IL6R: variants seen among roughly 807,000 people sequenced by gnomAD.
IL6R encodes the protein interleukin 6 receptor, also known as interleukin-6 receptor subunit alpha.
In IL6R, 38 loss-of-function variants were observed where a neutral mutation model predicts 48.3. That is an observed-to-expected ratio of 0.79 (90% CI 0.61 to 1.03). The LOEUF is 1.03. IL6R is among the 50% of genes least tolerant of loss of function. IL6R has a pLI of 0.00. For missense variants in IL6R, 534 were observed against 618.3 expected (o/e 0.86, Z 1.45); for synonymous variants, 264 against 256.2 (o/e 1.03, Z -0.29).
At chr1:154,450,038 C>T in intron 8 of IL6R, 58 bp downstream of exon 8, 1 of 1,081,816 alleles carries the variant, frequency 9.2e-7, no homozygotes, top group Non-Finnish European at 1.4e-6. Flanking sequence ...TTTGTCTCTG[C>T]AGAAAGTCCT....
chr1:154,438,405 A>G (rs759287177), intron 6 of IL6R, among the ~76,000 whole-genome samples: 1 of 151,704 alleles, frequency 6.6e-6, no homozygotes, highest in Non-Finnish European at 1.5e-5. Context: ...TATTGTTCCC[A>G]GTGTTTTTGT....
chr1:154,432,647 C>T (rs750109025), intron 3 of IL6R, among the ~76,000 whole-genome samples: 13 of 152,212 alleles, frequency 8.5e-5, no homozygotes, highest in Admixed American at 2.0e-4. Context: ...CGTGAGCCAC[C>T]GCGCCCGGCT....
chr1:154,450,357 G>A (rs866498852), intron 8 of IL6R, among the ~76,000 whole-genome samples: 12 of 151,998 alleles, frequency 7.9e-5, no homozygotes, highest in Non-Finnish European at 1.8e-4. Flanking sequence ...AACTCCTGAC[G>A]TTGTGATCCA....
At chr1:154,447,046 TG>T (rs965023738) in intron 6 of IL6R, among the ~76,000 whole-genome samples, 4 of 152,150 alleles carry the variant, frequency 2.6e-5, no homozygotes, top group African/African-American at 9.7e-5. Context: ...GAAGCTGAGA[TG>T]GGAGGATCAC....
rs55844786 is a variant in IL6R, at chr1:154,448,875, C to CTTCTTT, written c.996+706_996+707insCTTTTT. ...CATTGCAAGGGAGTGCTTGTAAGGG[C>CTTCTTT]TTTTTTTTTTTTTTTTTTTTTTTTT... On this transcript the variant is annotated intron_variant, in intron 7 of 9. Transcript: ENST00000368485. Among the ~76,000 whole-genome samples, 432 of 73,304 alleles carry CTTCTTT rather than the reference C, an allele frequency of 5.9e-3. 83 individuals are homozygous for CTTCTTT. Among genetic ancestry groups the CTTCTTT allele is most frequent in the Non-Finnish European group, 8.3e-3 (312 of 37,548 alleles). The allele number at this position is 73,304 out of a possible 152,430, so 48.1% of individuals were successfully genotyped here. A position where few individuals can be genotyped will look rare whatever the true frequency, so the allele number is the denominator to read the frequency against.
chr1:154,405,529 G>GGGCCCCCCCCC lies in IL6R; in HGVS notation c.-101_-100insGGCCCCCCCCC. 2.6e-6 allele frequency: 1 copy of GGGCCCCCCCCC among 388,508 alleles called. No individual in the cohort carries two copies. The highest frequency in any genetic ancestry group is 4.7e-6 in the Non-Finnish European group (1 of 214,592). The allele number at this position is 388,508 out of a possible 1,614,324, so 24.1% of individuals were successfully genotyped here. On this transcript the variant is annotated 5_prime_UTR_variant, in exon 1 of 10. Transcript: ENST00000368485. This position sits in a 1 kb window ranked among gnomAD's most constrained non-coding sequence, Gnocchi z 5.2. Reference sequence around the variant, plus strand: ...CTGCCCCCGGGGCCTGAGCCCGCCTGCCCGCCCACCGCCCCGCCCCGCCCC... The same window carrying GGGCCCCCCCCC: ...CTGCCCCCGGGGCCTGAGCCCGCCTGGGCCCCCCCCCCCCGCCCACCGCCCCGCCCCGCCCC...
chr1:154,431,044 G>T (rs1689266627), intron 3 of IL6R, among the ~76,000 whole-genome samples: 1 of 152,138 alleles, frequency 6.6e-6, no homozygotes, highest in Non-Finnish European at 1.5e-5. Context: ...GTGTAGCACA[G>T]CCAGACCATT....
chr1:154,430,705 G>A (rs1689249517), intron 3 of IL6R, 99 bp downstream of exon 3: 2 of 1,472,442 alleles, frequency 1.4e-6, no homozygotes, highest in African/African-American at 2.8e-5. Flanking sequence ...ATTATCATTA[G>A]GAATTAATTC....
Position 154,449,910 on chromosome 1 carries a change from G to A in IL6R, c.997-1G>A, listed in dbSNP as rs1158091575. 6.3e-7 allele frequency: 1 copy of A among 1,598,328 alleles called. No homozygotes were observed. The highest frequency in any genetic ancestry group is 1.1e-5 in the South Asian group (1 of 90,716). The stretch of plus-strand genomic sequence containing the variant: ...CTGATGGTGAGGAATGTCTCTTTTA[G>A]GCACTTACTACTAATAAAGACGATG... On this transcript the variant is annotated splice_acceptor_variant, in intron 7 of 9. Transcript: ENST00000368485. LOFTEE classifies it high-confidence loss of function.
chr1:154,418,461 A>G, intron 1 of IL6R: 1 of 959,204 alleles, frequency 1.0e-6, no homozygotes, highest in Non-Finnish European at 1.2e-6. Context: ...AAATACAAGC[A>G]GGTACAAGAA....
chr1:154,436,062 GGCGAGTGGA>G lies in IL6R; in HGVS notation c.913_921del (p.Glu305_Ser307del). 9 of 1,613,320 alleles carry G rather than the reference GGCGAGTGGA, an allele frequency of 5.6e-6. No homozygotes were observed. Among genetic ancestry groups the G allele is most frequent in the Admixed American group, 1.7e-5 (1 of 60,016 alleles). The stretch of plus-strand genomic sequence containing the variant: ...TCGTGCCCAGGAGGAGTTCGGGCAA[GGCGAGTGGA>G]GCGAGTGGAGCCCGGAGGCCATGGG... On this transcript the variant is annotated inframe_deletion, in exon 6 of 10. Transcript: ENST00000368485.
chr1:154,426,711 T>C (rs865823351), intron 1 of IL6R, among the ~76,000 whole-genome samples: 1 of 152,256 alleles, frequency 6.6e-6, no homozygotes, highest in South Asian at 2.1e-4. Context: ...TATGTAGCTT[T>C]TACATACATT....
At chr1:154,444,910 A>G (rs1690132134) in intron 6 of IL6R, 1 of 379,202 alleles carries the variant, frequency 2.6e-6, no homozygotes, top group African/African-American at 2.1e-5. Flanking sequence ...CTTAACAACA[A>G]AAAGACTCCT....
Position 154,447,988 on chromosome 1 carries a change from C to T in IL6R, c.950-137C>T, listed in dbSNP as rs139784234. On this transcript the variant is annotated intron_variant, in intron 6 of 9. Coordinates refer to ENST00000368485, the MANE Select transcript of IL6R (RefSeq NM_000565.4). The stretch of plus-strand genomic sequence containing the variant: ...CCTCCCAAAGTGCTGGGATGACAGA[C>T]GTGAGCCACCGCGCCCAGCCCATGC... The T allele has an allele frequency of 1.5e-4, 101 of 683,560 alleles. 1 individual carries two copies. Among genetic ancestry groups the T allele is most frequent in the East Asian group, 8.8e-4 (34 of 38,608 alleles). The allele number at this position is 683,560 out of a possible 1,614,324, so 42.3% of individuals were successfully genotyped here. A position where few individuals can be genotyped will look rare whatever the true frequency, so the allele number is the denominator to read the frequency against.
At chr1:154,432,512 C>T (rs996024200) in intron 3 of IL6R, among the ~76,000 whole-genome samples, 7 of 152,118 alleles carry the variant, frequency 4.6e-5, no homozygotes, top group Non-Finnish European at 8.8e-5. Context: ...CGCACACCAC[C>T]ACGCCTGGCT....
At chr1:154,421,041 T>A (rs1329483355) in intron 1 of IL6R, among the ~76,000 whole-genome samples, 2 of 152,140 alleles carry the variant, frequency 1.3e-5, no homozygotes, top group Admixed American at 1.3e-4. Context: ...TGCTTCCTTG[T>A]CCTCTCTGCA....
intron 8 of IL6R, among the ~76,000 whole-genome samples, chr1:154,452,105 T>C (rs1690616759): frequency 6.6e-6 from 1 of 152,116 alleles, no homozygotes; most frequent in Non-Finnish European, 1.5e-5. Context: ...CCGCCTCTCA[T>C]CCAGCAGGGC....
At chr1:154,431,284 G>A (rs934081025) in intron 3 of IL6R, among the ~76,000 whole-genome samples, 5 of 152,136 alleles carry the variant, frequency 3.3e-5, no homozygotes, top group African/African-American at 1.2e-4. Flanking sequence ...ATCTGCCTCT[G>A]CAGTTTTGCT....
At chr1:154,449,837 G>T in intron 7 of IL6R, 74 bp from the exon 8 acceptor site, 4 of 909,356 alleles carry the variant, frequency 4.4e-6, no homozygotes, top group Non-Finnish European at 5.6e-6. Context: ...TGAGGAGGAG[G>T]TAACTCCTGA....
Sources: gnomAD v4.1 joint callset for allele counts (sites outside exome capture counted in the v4.1 genomes callset) on GRCh38, gnomAD v4.1.1 for gene constraint, Gnocchi (gnomAD v3.1) non-coding constraint, MANE v1.5 for transcripts, NCBI Gene and HGNC (gene_info 2026-07-23, HGNC 2026-07-21) for gene names.